The following PDE10A variants were observed in gnomAD, a reference collection of about 807,000 sequenced individuals.
PDE10A encodes phosphodiesterase 10A.
In PDE10A, 39 loss-of-function variants were observed where a neutral mutation model predicts 97.7. The ratio of observed to expected loss-of-function variants is 0.40; its 90% CI spans 0.31 to 0.52. The LOEUF (loss-of-function observed/expected upper bound fraction) is 0.52. Ranked by LOEUF, PDE10A falls within the 20% of genes least tolerant of loss-of-function variation. The probability of loss-of-function intolerance (pLI) is 0.56; values close to 1 mark genes in which losing one functional copy is unlikely to be tolerated. For synonymous variants in PDE10A, 371 were observed against 376.8 expected, an observed-to-expected ratio of 0.98 and a Z score of 0.18; for missense variants, 731 against 1,047.8, an observed-to-expected ratio of 0.70 and a Z score of 4.17.
At chr6:165,371,188 A>G (rs944770977) in intron 18 of PDE10A, among the ~76,000 whole-genome samples, 2 of 151,854 alleles carry the variant, frequency 1.3e-5, no homozygotes, top group Admixed American at 1.3e-4. Flanking sequence ...GCAAGAGCAA[A>G]CACATTCAAA....
intron 1 of PDE10A, among the ~76,000 whole-genome samples, chr6:165,863,287 T>A (rs1203561473): frequency 6.6e-6 from 1 of 152,174 alleles, no homozygotes; most frequent in Non-Finnish European, 1.5e-5. Flanking sequence ...CTGAAACTCA[T>A]ACTGAGTTTA....
chr6:165,818,664 A>G (rs1028188893), intron 1 of PDE10A, among the ~76,000 whole-genome samples: 1 of 152,214 alleles, frequency 6.6e-6, no homozygotes, highest in Non-Finnish European at 1.5e-5. Flanking sequence ...TATTTTATGA[A>G]TGGTTATCAC....
chr6:165,728,334 C>T (rs1432518756), intron 1 of PDE10A, among the ~76,000 whole-genome samples: 2 of 152,156 alleles, frequency 1.3e-5, no homozygotes, highest in Admixed American at 1.3e-4. Flanking sequence ...GGAGTGAGGG[C>T]ACACATTTCA....
chr6:165,746,650 C>T (rs925457424), intron 1 of PDE10A, among the ~76,000 whole-genome samples: 5 of 152,190 alleles, frequency 3.3e-5, no homozygotes, highest in African/African-American at 1.2e-4. Context: ...GCAGAACAGG[C>T]AAGAAGAGCA....
At chr6:165,690,521 C>T (rs552985711) in intron 1 of PDE10A, among the ~76,000 whole-genome samples, 3 of 152,302 alleles carry the variant, frequency 2.0e-5, no homozygotes, top group Middle Eastern at 3.4e-3. Context: ...GGTCATGCCC[C>T]TCCCTTGCTC....
intron 1 of PDE10A, among the ~76,000 whole-genome samples, chr6:165,725,407 C>A (rs1792267922): frequency 6.6e-6 from 1 of 152,230 alleles, no homozygotes; most frequent in African/African-American, 2.4e-5. Context: ...GGGCCAGAGC[C>A]CAAACACGCC....
chr6:165,536,391 T>C (rs1433629692), intron 2 of PDE10A, among the ~76,000 whole-genome samples: 2 of 151,972 alleles, frequency 1.3e-5, no homozygotes, highest in Admixed American at 1.3e-4. Flanking sequence ...CAACAGGGCA[T>C]TGGTCTGGAC....
At chr6:165,771,653 A>G (rs1778012937) in intron 1 of PDE10A, among the ~76,000 whole-genome samples, 1 of 82,430 alleles carries the variant, frequency 1.2e-5, no homozygotes, top group Non-Finnish European at 2.3e-5. Context: ...GTTTAACAAG[A>G]TAAAAAAAAA....
At chr6:165,847,599 A>G (rs1051095335) in intron 1 of PDE10A, among the ~76,000 whole-genome samples, 1 of 152,252 alleles carries the variant, frequency 6.6e-6, no homozygotes, top group African/African-American at 2.4e-5. Context: ...TAGAACACTC[A>G]TATGCTAATG....
At chr6:165,759,142 G>T (rs1793193749) in intron 1 of PDE10A, among the ~76,000 whole-genome samples, 1 of 152,124 alleles carries the variant, frequency 6.6e-6, no homozygotes, top group African/African-American at 2.4e-5. Context: ...CAGTTTTTTT[G>T]AGATAATATG....
intron 1 of PDE10A, among the ~76,000 whole-genome samples, chr6:165,581,732 T>C (rs998615226): frequency 6.6e-6 from 1 of 152,258 alleles, no homozygotes; most frequent in African/African-American, 2.4e-5. Context: ...TTGATTATTC[T>C]GGTGGACAAA....
chr6:165,823,107 C>T (rs890410551), intron 1 of PDE10A, among the ~76,000 whole-genome samples: 5 of 151,966 alleles, frequency 3.3e-5, no homozygotes, highest in Admixed American at 1.3e-4. Flanking sequence ...GCTGGGATTA[C>T]AGGAGTGAGC....
chr6:165,646,430 A>G (rs1038283131), intron 1 of PDE10A, among the ~76,000 whole-genome samples: 10 of 152,258 alleles, frequency 6.6e-5, no homozygotes, highest in South Asian at 2.1e-4. Context: ...TGAACTATTC[A>G]ATAAACTGAC....
chr6:165,523,234 A>T lies in PDE10A; in HGVS notation c.994+20206T>A, dbSNP rs567836430. ...GATTCAGTGCCATTCCCATCAAACTATCAACGTCATTTTTCACAGAATTAG... is the reference window on the plus strand; with the variant it reads ...GATTCAGTGCCATTCCCATCAAACTTTCAACGTCATTTTTCACAGAATTAG... On this transcript the variant is annotated intron_variant, in intron 2 of 21. Coordinates refer to ENST00000539869, the MANE Select transcript of PDE10A (RefSeq NM_001385079.1). Among the ~76,000 whole-genome samples, 109 of 152,282 alleles carry T rather than the reference A, an allele frequency of 7.2e-4. 1 individual carries two copies. In the South Asian group the frequency reaches 0.012, roughly 17 times the overall value.
chr6:165,850,253 C>T (rs975496022), intron 1 of PDE10A, among the ~76,000 whole-genome samples: 14 of 152,218 alleles, frequency 9.2e-5, no homozygotes, highest in Admixed American at 6.5e-4. Context: ...CCCCCACGTG[C>T]TCTTAACATC....
chr6:165,610,382 C>T (rs1249711801), intron 1 of PDE10A, among the ~76,000 whole-genome samples: 13 of 152,050 alleles, frequency 8.5e-5, no homozygotes, highest in Admixed American at 7.2e-4. Flanking sequence ...ATACAAAAAA[C>T]TAGCTGGGCA....
intron 17 of PDE10A, among the ~76,000 whole-genome samples, chr6:165,382,951 T>A (rs559235888): frequency 2.2e-4 from 34 of 152,274 alleles, no homozygotes; most frequent in African/African-American, 7.7e-4. Flanking sequence ...GTGTTGAATA[T>A]AAGTACAATA....
At chr6:165,618,003 C>G (rs1787806607) in intron 1 of PDE10A, among the ~76,000 whole-genome samples, 1 of 152,110 alleles carries the variant, frequency 6.6e-6, no homozygotes, top group Non-Finnish European at 1.5e-5. Flanking sequence ...TCAAAACCAG[C>G]CTGGGCAACA....
chr6:165,508,016 AC>A (rs1781299171), intron 2 of PDE10A, among the ~76,000 whole-genome samples: 1 of 152,112 alleles, frequency 6.6e-6, no homozygotes, highest in Non-Finnish European at 1.5e-5. Flanking sequence ...GAAGAAAGAG[AC>A]TGTTCTGAAA....
Sources: allele counts gnomAD v4.1 joint callset (sites outside exome capture counted in the v4.1 genomes callset), GRCh38; gene constraint gnomAD v4.1.1; transcripts MANE v1.5; gene names NCBI Gene and HGNC (gene_info 2026-07-23, HGNC 2026-07-21).